GET1: variants seen among roughly 807,000 people sequenced by gnomAD.
GET1 encodes guided entry of tail-anchored proteins factor 1.
A neutral mutation model predicts 22.6 loss-of-function variants in GET1; 20 were observed. That is an observed-to-expected ratio of 0.89 (90% CI 0.62 to 1.29). The LOEUF is 1.29. GET1 is among the 50% of genes most tolerant of loss of function. GET1 has a pLI of 0.00. For synonymous variants in GET1, 92 were observed against 83.8 expected (o/e 1.10, Z -0.53); for missense variants, 209 against 219.9 (o/e 0.95, Z 0.31).
intron 1 of GET1, among the ~76,000 whole-genome samples, chr21:39,385,558 T>A (rs973568873): frequency 6.6e-6 from 1 of 152,198 alleles, no homozygotes; most frequent in African/African-American, 2.4e-5. Context: ...TCCAGGACTT[T>A]CTTCAGCTAT....
chr21:39,417,456 T>C (rs1319520603), intron 1 of GET1, among the ~76,000 whole-genome samples: 2 of 152,230 alleles, frequency 1.3e-5, no homozygotes, highest in Admixed American at 1.3e-4. Context: ...CTCTATTCTC[T>C]CTTTTTCTGC....
At chr21:39,414,677 T>C (rs1403798316) in intron 1 of GET1, among the ~76,000 whole-genome samples, 1 of 150,288 alleles carries the variant, frequency 6.7e-6, no homozygotes, top group Non-Finnish European at 1.5e-5. Flanking sequence ...CAAGGCTAGG[T>C]CATAAAAGGC....
rs756932232 is a variant in GET1, at chr21:39,380,460, ATCC to A, written c.83_85del (p.Leu28del). On this transcript the variant is annotated inframe_deletion, in exon 1 of 5. Transcript: ENST00000649170. ...CGTGTTTGGATGCAATGTTCTTAGG[ATCC>A]TCCTCCCGTCCTTCTCATCCTTCGT... 1.9e-6 allele frequency: 3 copies of A among 1,612,988 alleles called. No homozygotes were observed. The highest frequency in any genetic ancestry group is 2.7e-5 in the African/African-American group (2 of 74,876).
downstream of GET1, among the ~76,000 whole-genome samples, chr21:39,401,608 C>T (rs146107799): frequency 2.4e-3 from 368 of 152,224 alleles, 2 homozygotes; most frequent in South Asian, 0.014. Context: ...CTTTTCAGCA[C>T]GCAGACATGT....
intron 1 of GET1, among the ~76,000 whole-genome samples, chr21:39,426,781 A>AT (rs1237847163): frequency 2.0e-5 from 3 of 152,210 alleles, no homozygotes; most frequent in Non-Finnish European, 4.4e-5. Context: ...CATGATGTTC[A>AT]TTTTTGATGG....
chr21:39,403,175 CG>C (rs1033330460), intron 4 of GET1, among the ~76,000 whole-genome samples: 77 of 152,126 alleles, frequency 5.1e-4, no homozygotes, highest in African/African-American at 1.8e-3. Context: ...ACTTAATTTG[CG>C]TATTTCCCCT....
chr21:39,420,831 G>GT, intron 1 of GET1: 1 of 1,612,646 alleles, frequency 6.2e-7, no homozygotes, highest in Non-Finnish European at 8.5e-7. Context: ...AACCTCAGTT[G>GT]TTTTTCCAAG....
intron 1 of GET1, among the ~76,000 whole-genome samples, chr21:39,383,736 G>A (rs957940959): frequency 2.7e-5 from 4 of 150,596 alleles, no homozygotes; most frequent in Admixed American, 6.6e-5. Flanking sequence ...GAGCCACTGC[G>A]CCCAGCTAAT....
chr21:39,400,210 C>A (rs1335597095), downstream of GET1, among the ~76,000 whole-genome samples: 2 of 151,940 alleles, frequency 1.3e-5, no homozygotes, highest in African/African-American at 2.4e-5. Context: ...CCCCCCGGAA[C>A]CGGAGCTTTA....
At chr21:39,380,813 G>A in intron 1 of GET1, 1 of 1,024,420 alleles carries the variant, frequency 9.8e-7, no homozygotes, top group East Asian at 8.9e-5. Context: ...GTTCCTAGAG[G>A]CATTCGAGCA....
downstream of GET1, chr21:39,410,832 C>G (rs150486460): frequency 2.1e-4 from 98 of 471,110 alleles, 1 homozygote; most frequent in African/African-American, 1.6e-3. Context: ...TTCATTGTCT[C>G]TATTATTCTA....
intron 4 of GET1, among the ~76,000 whole-genome samples, chr21:39,394,072 G>A (rs1569040821): frequency 6.6e-6 from 1 of 152,024 alleles, no homozygotes; most frequent in African/African-American, 2.4e-5. Flanking sequence ...GCTCACGCCT[G>A]TAATCCTAGC....
At chr21:39,390,025 T>G (rs932238703) in intron 1 of GET1, among the ~76,000 whole-genome samples, 1 of 151,314 alleles carries the variant, frequency 6.6e-6, no homozygotes, top group African/African-American at 2.4e-5. Flanking sequence ...ATAGTTTGAA[T>G]AGCAATTTGA....
At chr21:39,387,872 AGGGGG>A in intron 1 of GET1, 1 of 830,036 alleles carries the variant, frequency 1.2e-6, no homozygotes, top group Non-Finnish European at 1.4e-6. Context: ...TGGAAGGGGG[AGGGGG>A]GGGGATCTGA....
chr21:39,390,769 G>C lies in GET1; in HGVS notation c.174G>C (p.Gln58His). Reference protein sequence around the residue: ...QMRAEIQDMKQELSTVNMMDE... With the variant: ...QMRAEIQDMKHELSTVNMMDE... ...GAGCGGAGATCCAGGACATGAAGCA[G>C]GAGCTCTCCACAGTCAACATGATGG... Residue 58 changes from glutamine (Q) to histidine (H), a missense_variant, in exon 2 of 5, where the codon CAG (glutamine) becomes CAC (histidine). Gln to His is a conservative substitution (Grantham distance 24, BLOSUM62 0). Coordinates refer to ENST00000649170, the MANE Select transcript of GET1 (RefSeq NM_004627.6). 1 of 1,614,224 alleles carries C rather than the reference G, an allele frequency of 6.2e-7. No individual in the cohort carries two copies. The highest frequency in any genetic ancestry group is 1.1e-5 in the South Asian group (1 of 91,086).
intron 4 of GET1, among the ~76,000 whole-genome samples, chr21:39,403,262 T>A (rs142227044): frequency 8.3e-4 from 127 of 152,370 alleles, no homozygotes; most frequent in African/African-American, 2.8e-3. Flanking sequence ...TATTCCACCT[T>A]GCTTTTCATA....
downstream of GET1, among the ~76,000 whole-genome samples, chr21:39,410,545 T>C (rs902610817): frequency 1.3e-5 from 2 of 152,242 alleles, no homozygotes; most frequent in Admixed American, 1.3e-4. Flanking sequence ...GGGCCCTTGC[T>C]TTGTCTTACT....
At chr21:39,398,040 T>G (rs886753656), downstream of GET1, among the ~76,000 whole-genome samples, 3 of 152,192 alleles carry the variant, frequency 2.0e-5, no homozygotes, top group Non-Finnish European at 4.4e-5. Context: ...GCTTTTGGGT[T>G]CCACTTACTC....
intron 1 of GET1, among the ~76,000 whole-genome samples, chr21:39,415,926 G>A (rs1406596177): frequency 6.6e-6 from 1 of 152,070 alleles, no homozygotes; most frequent in Non-Finnish European, 1.5e-5. Flanking sequence ...CTAGGTTTAG[G>A]TTCGGTTCGT....
Sources: gnomAD v4.1 joint callset for allele counts (sites outside exome capture counted in the v4.1 genomes callset) on GRCh38, gnomAD v4.1.1 for gene constraint, MANE v1.5 for transcripts, NCBI Gene and HGNC (gene_info 2026-07-23, HGNC 2026-07-21) for gene names.